Variants in CCNY observed in about 807,000 individuals in gnomAD.
CCNY encodes the protein cyclin Y, also known as cyclin-Y.
In CCNY, 19 loss-of-function variants were observed where a neutral mutation model predicts 42.8. The ratio of observed to expected loss-of-function variants is 0.44; its 90% CI spans 0.31 to 0.65. The LOEUF (loss-of-function observed/expected upper bound fraction) is 0.65. Among genes scored for constraint, CCNY ranks in the 30% least tolerant of loss-of-function variants. CCNY has a pLI of 0.07. For missense variants in CCNY, 370 were observed against 437.3 expected, an observed-to-expected ratio of 0.85 and a Z score of 1.37; for synonymous variants, 165 against 162.7, an observed-to-expected ratio of 1.01 and a Z score of -0.11.
chr10:35,505,056 A>G (rs1840187032), intron 3 of CCNY, among the ~76,000 whole-genome samples: 1 of 150,076 alleles, frequency 6.7e-6, no homozygotes, highest in African/African-American at 2.5e-5. Flanking sequence ...TTTTAAGGTT[A>G]GCTGTTTTTA....
chr10:35,366,689 CT>C (rs1435998983), intron 1 of CCNY, among the ~76,000 whole-genome samples: 2 of 152,186 alleles, frequency 1.3e-5, no homozygotes, highest in Admixed American at 1.3e-4. Context: ...GGAACTCACT[CT>C]TTTTGTTCTA....
upstream of CCNY, among the ~76,000 whole-genome samples, chr10:35,334,725 G>A (rs202135250): frequency 8.5e-5 from 13 of 152,142 alleles, no homozygotes; most frequent in Non-Finnish European, 1.5e-4. Flanking sequence ...AGCATGGAGC[G>A]TTTAAAATAT....
At chr10:35,414,967 A>G (rs1217170760) in intron 1 of CCNY, among the ~76,000 whole-genome samples, 4 of 152,212 alleles carry the variant, frequency 2.6e-5, no homozygotes. Context: ...TTAGTTCCAT[A>G]AAGAAGAGAC....
At chr10:35,522,621 A>G (rs1313856624) in intron 4 of CCNY, among the ~76,000 whole-genome samples, 1 of 152,136 alleles carries the variant, frequency 6.6e-6, no homozygotes, top group Non-Finnish European at 1.5e-5. Flanking sequence ...AGCTACTCCA[A>G]AACTAAAGAG....
intron 2 of CCNY, among the ~76,000 whole-genome samples, chr10:35,497,760 C>G (rs1446622413): frequency 6.7e-6 from 1 of 148,518 alleles, no homozygotes; most frequent in Non-Finnish European, 1.5e-5. Flanking sequence ...TTCTACTTAT[C>G]TTATTCCCCC....
intron 8 of CCNY, among the ~76,000 whole-genome samples, chr10:35,565,088 G>C (rs1289278212): frequency 6.6e-6 from 1 of 152,154 alleles, no homozygotes; most frequent in East Asian, 1.9e-4. Context: ...TCACTGAGAA[G>C]GTTCCCCCCA....
chr10:35,291,399 A>T (rs1713181536), intron 3 of CCNY, among the ~76,000 whole-genome samples: 1 of 151,874 alleles, frequency 6.6e-6, no homozygotes, highest in South Asian at 2.1e-4. Context: ...ATTTCTTTTT[A>T]TTGCCAAACA....
At chr10:35,526,829 A>G (rs1840662718) in intron 5 of CCNY, among the ~76,000 whole-genome samples, 2 of 152,172 alleles carry the variant, frequency 1.3e-5, no homozygotes, top group Non-Finnish European at 2.9e-5. Flanking sequence ...CTTCGTTTTC[A>G]TGAGGACATA....
At chr10:35,474,640 C>T (rs1323452538) in intron 1 of CCNY, among the ~76,000 whole-genome samples, 2 of 152,116 alleles carry the variant, frequency 1.3e-5, no homozygotes, top group Non-Finnish European at 1.5e-5. Flanking sequence ...ACCAAAAACC[C>T]ATCTGTACAT....
At chr10:35,254,304 C>A (rs1367198988) in intron 3 of CCNY, among the ~76,000 whole-genome samples, 1 of 152,028 alleles carries the variant, frequency 6.6e-6, no homozygotes, top group Non-Finnish European at 1.5e-5. Flanking sequence ...TGTTTGCTTG[C>A]CTAACAAATG....
chr10:35,465,938 A>AGAGAGAGTGTGTGT, intron 1 of CCNY, among the ~76,000 whole-genome samples: 7 of 80,958 alleles, frequency 8.6e-5, no homozygotes, highest in African/African-American at 1.3e-4. Context: ...AGAGAGAGAG[A>AGAGAGAGTGTGTGT]GTGTGTGTGT....
intron 1 of CCNY, among the ~76,000 whole-genome samples, chr10:35,363,906 T>C (rs2135161324): frequency 6.6e-6 from 1 of 152,286 alleles, no homozygotes; most frequent in South Asian, 2.1e-4. Context: ...GTATGGATAT[T>C]GGAGAAGAGC....
At chr10:35,462,971 G>A (rs939405404) in intron 1 of CCNY, among the ~76,000 whole-genome samples, 5 of 152,250 alleles carry the variant, frequency 3.3e-5, no homozygotes, top group African/African-American at 1.2e-4. Context: ...GGTTGCAGCG[G>A]CACTTTTGGA....
chr10:35,392,771 G>C (rs1671428169), intron 1 of CCNY, among the ~76,000 whole-genome samples: 3 of 152,206 alleles, frequency 2.0e-5, no homozygotes, highest in Non-Finnish European at 1.5e-5. Flanking sequence ...GGACTGGTGG[G>C]AAGGTTTGAG....
intron 7 of CCNY, among the ~76,000 whole-genome samples, chr10:35,551,614 A>G (rs560145332): frequency 6.6e-6 from 1 of 152,282 alleles, no homozygotes; most frequent in East Asian, 1.9e-4. Flanking sequence ...GAAGTGTAAG[A>G]CGTACTATCA....
rs144351538 is a variant in CCNY, at chr10:35,394,057, G to A, written c.154+56850G>A. Among the ~76,000 whole-genome samples, 217 of 152,328 alleles carry A rather than the reference G, an allele frequency of 1.4e-3. 1 individual carries two copies. The highest frequency in any genetic ancestry group is 3.4e-3 in the Middle Eastern group (1 of 294). ...CCTTTCTTTGCCAGTGTTTGGTTCA[G>A]TGGACCCGTTCTTCACTCTCCAGTG... On this transcript the variant is annotated intron_variant, in intron 1 of 9. Coordinates refer to ENST00000374704, the MANE Select transcript of CCNY (RefSeq NM_145012.6).
At chr10:35,284,293 T>C (rs1835330274) in intron 3 of CCNY, among the ~76,000 whole-genome samples, 1 of 152,098 alleles carries the variant, frequency 6.6e-6, no homozygotes, top group Non-Finnish European at 1.5e-5. Flanking sequence ...TTTGCAGATG[T>C]GAATATACAT....
intron 1 of CCNY, among the ~76,000 whole-genome samples, chr10:35,379,944 T>C (rs1837142142): frequency 6.6e-6 from 1 of 152,190 alleles, no homozygotes; most frequent in Admixed American, 6.5e-5. Context: ...TTAGTACTCA[T>C]CAGTCCCAGG....
At chr10:35,306,692 A>G (rs919757713) in intron 3 of CCNY, among the ~76,000 whole-genome samples, 2 of 151,808 alleles carry the variant, frequency 1.3e-5, no homozygotes, top group Non-Finnish European at 2.9e-5. Context: ...CTTCTCCCAC[A>G]TGCCCTCTCC....
Sources: gnomAD v4.1 joint callset for allele counts (sites outside exome capture counted in the v4.1 genomes callset) on GRCh38, gnomAD v4.1.1 for gene constraint, MANE v1.5 for transcripts, NCBI Gene and HGNC (gene_info 2026-07-23, HGNC 2026-07-21) for gene names.